Variants in TACR3 observed in about 807,000 individuals in gnomAD.
TACR3 encodes neuromedin-K receptor.
In TACR3, 34 loss-of-function variants were observed where a neutral mutation model predicts 35.0. That is an observed-to-expected ratio of 0.97 (90% CI 0.74 to 1.30). The LOEUF (loss-of-function observed/expected upper bound fraction) is 1.30. Ranked by LOEUF, TACR3 falls within the 50% of genes most tolerant of loss-of-function variation. The pLI is 0.00. For synonymous variants in TACR3, 233 were observed against 221.1 expected (o/e 1.05, Z -0.48); for missense variants, 558 against 591.7 (o/e 0.94, Z 0.59).
At chr4:103,595,679 G>A (rs1398739087) in intron 3 of TACR3, among the ~76,000 whole-genome samples, 1 of 151,822 alleles carries the variant, frequency 6.6e-6, no homozygotes, top group African/African-American at 2.4e-5. Context: ...CTAAAATGCT[G>A]ACAACTATTT....
At chr4:103,605,096 C>T (rs62340648) in intron 3 of TACR3, among the ~76,000 whole-genome samples, 74,973 of 146,560 alleles carry the variant, frequency 0.51, 22,526 homozygotes, top group Non-Finnish European at 0.65. Context: ...CTTTTTTTTG[C>T]GATAGTTTAC....
intron 1 of TACR3, among the ~76,000 whole-genome samples, chr4:103,662,990 A>T (rs1725862067): frequency 6.6e-6 from 1 of 152,238 alleles, no homozygotes; most frequent in African/African-American, 2.4e-5. Flanking sequence ...AGGTGGAAGA[A>T]GCATCATATT....
intron 1 of TACR3, among the ~76,000 whole-genome samples, chr4:103,670,242 G>A (rs1051626751): frequency 6.6e-6 from 1 of 152,036 alleles, no homozygotes; most frequent in Non-Finnish European, 1.5e-5. Flanking sequence ...TAAATTTGCA[G>A]TATAACTTGA....
intron 1 of TACR3, among the ~76,000 whole-genome samples, chr4:103,684,296 T>C (rs1722181771): frequency 6.6e-6 from 1 of 152,158 alleles, no homozygotes; most frequent in African/African-American, 2.4e-5. Context: ...CAATAGAAGA[T>C]TGTCTATGTA....
chr4:103,597,382 A>C (rs1317731760), intron 3 of TACR3, among the ~76,000 whole-genome samples: 1 of 152,160 alleles, frequency 6.6e-6, no homozygotes, highest in Non-Finnish European at 1.5e-5. Flanking sequence ...GCTTGGAATA[A>C]AAATGGTCAG....
intron 3 of TACR3, chr4:103,624,162 T>A (rs1461262555): frequency 2.6e-5 from 4 of 152,192 alleles, no homozygotes; most frequent in Non-Finnish European, 5.9e-5. Flanking sequence ...ATGCAATTAC[T>A]GTTTTCTGTG....
intron 2 of TACR3, among the ~76,000 whole-genome samples, chr4:103,657,218 GT>G (rs11445973): frequency 2.6e-5 from 4 of 151,632 alleles, no homozygotes; most frequent in East Asian, 3.9e-4. Flanking sequence ...CCATACCAGT[GT>G]TTTTTTTGTT....
chr4:103,647,563 A>T (rs1578241658), intron 3 of TACR3, among the ~76,000 whole-genome samples: 1 of 152,062 alleles, frequency 6.6e-6, no homozygotes, highest in East Asian at 1.9e-4. Flanking sequence ...ATTAGTAACC[A>T]ATTATCATTG....
intron 3 of TACR3, among the ~76,000 whole-genome samples, chr4:103,616,179 G>GT (rs1383333784): frequency 2.6e-5 from 4 of 152,038 alleles, no homozygotes; most frequent in African/African-American, 9.7e-5. Flanking sequence ...AAGTTTGTGG[G>GT]TTACTACACA....
intron 1 of TACR3, among the ~76,000 whole-genome samples, chr4:103,666,691 C>T (rs2110334343): frequency 6.6e-6 from 1 of 152,178 alleles, no homozygotes; most frequent in African/African-American, 2.4e-5. Context: ...CTCAAAATTT[C>T]AGATAACAGA....
chr4:103,635,436 C>T (rs1354528832), intron 3 of TACR3, among the ~76,000 whole-genome samples: 1 of 151,874 alleles, frequency 6.6e-6, no homozygotes, highest in African/African-American at 2.4e-5. Context: ...ATCTTCCCAC[C>T]CCTACCCCTG....
intron 1 of TACR3, among the ~76,000 whole-genome samples, chr4:103,680,589 A>G (rs1264014280): frequency 6.6e-6 from 1 of 150,688 alleles, no homozygotes; most frequent in African/African-American, 2.4e-5. Context: ...CATTATTGTC[A>G]AGTGAAAATG....
rs902929693 is a variant in TACR3, at chr4:103,687,929, C to T, written c.549-29526G>A. On this transcript the variant is annotated intron_variant, in intron 1 of 4. Transcript: ENST00000304883. ...GTTCATATGGAACCAAAAAAGAGCC[C>T]GCATCGCCAAGTCAGTCCTAAGCCA... is the stretch of plus-strand genomic sequence containing the variant. Among the ~76,000 whole-genome samples the T allele has an allele frequency of 1.2e-4, 19 of 152,130 alleles. No homozygotes were observed. In the South Asian group the frequency reaches 2.9e-3, roughly 23 times the overall value.
At chr4:103,715,829 T>C (rs915231347) in intron 1 of TACR3, among the ~76,000 whole-genome samples, 1 of 152,206 alleles carries the variant, frequency 6.6e-6, no homozygotes, top group Non-Finnish European at 1.5e-5. Context: ...ATTTGTATTG[T>C]AATAACTGTT....
chr4:103,684,548 A>G (rs1722186505), intron 1 of TACR3, among the ~76,000 whole-genome samples: 1 of 152,222 alleles, frequency 6.6e-6, no homozygotes, highest in African/African-American at 2.4e-5. Flanking sequence ...AAAAAAATAA[A>G]GACCGAAATA....
Position 103,719,193 on chromosome 4 carries a change from C to T in TACR3, c.483G>A (p.Gln161=), listed in dbSNP as rs555043657. The change falls in exon 1 of 5, where the codon CAG becomes CAA. Residue 161 remains glutamine, a synonymous_variant. Coordinates refer to ENST00000304883, the MANE Select transcript of TACR3 (RefSeq NM_001059.3). ...ACACAGCTGTGATAGGAAAGAAGTT[C>T]TGGAAGCGGCAGTAGTTGGCGCCAA... ...WYFGANYCRF[Q]NFFPITAVFA... 2 of 1,614,172 alleles carry T rather than the reference C, an allele frequency of 1.2e-6. No individual in the cohort carries two copies. The highest frequency in any genetic ancestry group is 1.7e-5 in the Admixed American group (1 of 60,024).
intron 1 of TACR3, among the ~76,000 whole-genome samples, chr4:103,701,130 G>GA (rs1336303008): frequency 2.6e-5 from 4 of 152,134 alleles, no homozygotes; most frequent in South Asian, 2.1e-4. Context: ...CAGATGACAT[G>GA]ATTGTATATC....
intron 3 of TACR3, among the ~76,000 whole-genome samples, chr4:103,636,923 C>A (rs59305243): frequency 0.078 from 11,842 of 152,018 alleles, 1,494 homozygotes; most frequent in African/African-American, 0.27. Context: ...CAATAACAGG[C>A]TCTGAAATTG....
chr4:103,609,836 A>G (rs1464179858), intron 3 of TACR3, among the ~76,000 whole-genome samples: 1 of 152,074 alleles, frequency 6.6e-6, no homozygotes, highest in Non-Finnish European at 1.5e-5. Flanking sequence ...CTTCTTCTAT[A>G]AGGTAAACTT....
Sources: allele counts gnomAD v4.1 joint callset (sites outside exome capture counted in the v4.1 genomes callset), GRCh38; gene constraint gnomAD v4.1.1; transcripts MANE v1.5; gene names NCBI Gene and HGNC (gene_info 2026-07-23, HGNC 2026-07-21).